Variants in QKI observed in about 807,000 individuals in gnomAD.
The protein encoded by QKI is QKI, KH domain containing RNA binding.
A neutral mutation model predicts 39.0 loss-of-function variants in QKI; 10 were observed. The ratio of observed to expected loss-of-function variants is 0.26; its 90% CI spans 0.16 to 0.43. The LOEUF (loss-of-function observed/expected upper bound fraction) is 0.43. Among genes scored for constraint, QKI ranks in the 20% least tolerant of loss-of-function variants. The probability of loss-of-function intolerance (pLI) is 1.00; values close to 1 mark genes in which losing one functional copy is unlikely to be tolerated. For synonymous variants in QKI, 204 were observed against 155.4 expected (o/e 1.31, Z -2.33); for missense variants, 218 against 428.0 (o/e 0.51, Z 4.33).
chr6:163,566,542 T>C, intron 6 of QKI, 179 bp from the exon 7 acceptor site: 1 of 1,445,750 alleles, frequency 6.9e-7, no homozygotes, highest in Non-Finnish European at 9.1e-7. Flanking sequence ...GCAATATTAA[T>C]AGATGCATAT....
At chr6:163,538,986 A>T (rs1781359502) in intron 4 of QKI, among the ~76,000 whole-genome samples, 1 of 152,352 alleles carries the variant, frequency 6.6e-6, no homozygotes, top group East Asian at 1.9e-4. Flanking sequence ...TATAACAGGA[A>T]TTAGGTGAGA....
intron 3 of QKI, among the ~76,000 whole-genome samples, chr6:163,487,796 C>G (rs1777773096): frequency 6.6e-6 from 1 of 152,042 alleles, no homozygotes; most frequent in African/African-American, 2.4e-5. Flanking sequence ...AAGAATATTT[C>G]ATAACTAGTG....
intron 3 of QKI, among the ~76,000 whole-genome samples, chr6:163,504,041 C>T (rs943341132): frequency 2.0e-5 from 3 of 152,034 alleles, no homozygotes; most frequent in South Asian, 2.1e-4. Context: ...CCACCCCCAG[C>T]GGTTAATTTT....
At chr6:163,418,969 TA>T (rs1304082299) in intron 1 of QKI, among the ~76,000 whole-genome samples, 1 of 152,064 alleles carries the variant, frequency 6.6e-6, no homozygotes, top group Middle Eastern at 3.2e-3. Flanking sequence ...GATAGGGAAA[TA>T]AAAAATGTGT....
At chr6:163,485,552 A>G (rs531367649) in intron 3 of QKI, among the ~76,000 whole-genome samples, 1 of 152,258 alleles carries the variant, frequency 6.6e-6, no homozygotes, top group Admixed American at 6.5e-5. Flanking sequence ...TCCGTCTGCA[A>G]TTTGTCAGCT....
intron 7 of QKI, chr6:163,570,384 T>A: frequency 1.0e-6 from 1 of 983,566 alleles, no homozygotes; most frequent in Non-Finnish European, 1.2e-6. Flanking sequence ...TTTCCTTCAT[T>A]GACTGCTACT....
At chr6:163,471,009 T>A (rs1792139110) in intron 2 of QKI, among the ~76,000 whole-genome samples, 4 of 152,052 alleles carry the variant, frequency 2.6e-5, no homozygotes, top group Admixed American at 6.6e-5. Flanking sequence ...AGAAATAAAG[T>A]CACAGATTTG....
chr6:163,441,163 G>A (rs1482465134), intron 1 of QKI, among the ~76,000 whole-genome samples: 3 of 151,952 alleles, frequency 2.0e-5, no homozygotes, highest in South Asian at 4.2e-4. Flanking sequence ...ATATTTAGAT[G>A]CCTGTATATT....
intron 1 of QKI, among the ~76,000 whole-genome samples, chr6:163,449,890 T>A (rs556672520): frequency 2.0e-5 from 3 of 152,266 alleles, no homozygotes; most frequent in South Asian, 4.1e-4. Context: ...TTTTATTCTC[T>A]TAACAGTTTT....
intron 2 of QKI, among the ~76,000 whole-genome samples, chr6:163,465,307 T>G (rs769419475): frequency 2.6e-5 from 4 of 152,188 alleles, no homozygotes; most frequent in Middle Eastern, 3.4e-3. Flanking sequence ...TATGGTAAGT[T>G]CTAGCCAGAA....
chr6:163,517,597 C>A (rs1210374825), intron 3 of QKI, among the ~76,000 whole-genome samples: 1 of 152,010 alleles, frequency 6.6e-6, no homozygotes, highest in Non-Finnish European at 1.5e-5. Context: ...TTAGTTTTTT[C>A]TTGAGTAGCT....
chr6:163,491,051 A>G (rs993986770), intron 3 of QKI, among the ~76,000 whole-genome samples: 2 of 152,120 alleles, frequency 1.3e-5, no homozygotes, highest in Admixed American at 1.3e-4. Flanking sequence ...TTAAGATGTC[A>G]TGTGATATGG....
At chr6:163,447,534 A>G (rs965730557) in intron 1 of QKI, among the ~76,000 whole-genome samples, 1 of 152,168 alleles carries the variant, frequency 6.6e-6, no homozygotes, top group Admixed American at 6.6e-5. Context: ...AGCCTCTGGT[A>G]TCTATAATTC....
At chr6:163,563,967 A>C in intron 6 of QKI, 1 of 1,340,228 alleles carries the variant, frequency 7.5e-7, no homozygotes, top group Non-Finnish European at 9.5e-7. Flanking sequence ...TGTTGTGTAC[A>C]TTTCAACAAA....
chr6:163,503,470 C>T (rs1778908733), intron 3 of QKI, among the ~76,000 whole-genome samples: 1 of 150,376 alleles, frequency 6.6e-6, no homozygotes, highest in African/African-American at 2.4e-5. Context: ...GATATTAGAC[C>T]CTTGTTGGAT....
intron 3 of QKI, among the ~76,000 whole-genome samples, chr6:163,526,203 A>G (rs1225674408): frequency 6.6e-6 from 1 of 152,192 alleles, no homozygotes; most frequent in African/African-American, 2.4e-5. Flanking sequence ...TATTTGATTG[A>G]AAGATGATTA....
intron 1 of QKI, among the ~76,000 whole-genome samples, chr6:163,436,784 C>T (rs1295177942): frequency 2.4e-4 from 23 of 96,184 alleles, no homozygotes; most frequent in South Asian, 8.5e-4. Flanking sequence ...AGCGAGACTC[C>T]GTCTCAAAAA....
chr6:163,453,533 G>A (rs569283740), intron 1 of QKI, among the ~76,000 whole-genome samples: 9 of 152,282 alleles, frequency 5.9e-5, no homozygotes, highest in African/African-American at 2.2e-4. Flanking sequence ...TGTAAATGAT[G>A]TAAAGGAGTT....
chr6:163,460,565 A>G (rs1037720119), intron 2 of QKI, among the ~76,000 whole-genome samples: 1 of 152,114 alleles, frequency 6.6e-6, no homozygotes, highest in Non-Finnish European at 1.5e-5. Flanking sequence ...TAGTTAGCAT[A>G]GGGTTGTTGT....
Sources: gnomAD v4.1 joint callset for allele counts (sites outside exome capture counted in the v4.1 genomes callset) on GRCh38, gnomAD v4.1.1 for gene constraint, MANE v1.5 for transcripts, NCBI Gene and HGNC (gene_info 2026-07-23, HGNC 2026-07-21) for gene names.